The following SH3BGRL2 variants were observed in gnomAD, a reference collection of about 807,000 sequenced individuals.
SH3BGRL2 encodes SH3 domain binding glutamate rich protein like 2, also known as SH3 domain-binding glutamic acid-rich-like protein 2.
Under a neutral mutation model 14.8 loss-of-function variants are expected in SH3BGRL2, and 21 were observed. The observed-to-expected ratio is 1.42, with a 90% CI of 1.01 to 2.05. The LOEUF (loss-of-function observed/expected upper bound fraction) is 2.05. Ranked by LOEUF, SH3BGRL2 falls within the 30% of genes most tolerant of loss-of-function variation. SH3BGRL2 has a pLI of 0.00. For missense variants in SH3BGRL2, 147 were observed against 130.8 expected, an observed-to-expected ratio of 1.12 and a Z score of -0.61; for synonymous variants, 50 against 47.8, an observed-to-expected ratio of 1.05 and a Z score of -0.19.
At chr6:79,580,120 C>T in the SH3BGRL2 span, among the ~76,000 whole-genome samples, 7 of 152,144 alleles carry the variant, frequency 4.6e-5, no homozygotes, top group South Asian at 8.3e-4. Context: ...TATATGCAGC[C>T]GATACAGGAG....
At chr6:79,587,016 C>T in the SH3BGRL2 span, among the ~76,000 whole-genome samples, 12 of 152,118 alleles carry the variant, frequency 7.9e-5, no homozygotes, top group African/African-American at 2.4e-4. Flanking sequence ...CCAAAAAACA[C>T]GTTTTTATCT....
chr6:79,591,597 G>A, the SH3BGRL2 span, among the ~76,000 whole-genome samples: 2 of 152,012 alleles, frequency 1.3e-5, no homozygotes, highest in African/African-American at 4.8e-5. Flanking sequence ...TCGTAGAGAC[G>A]GGGTTTCACT....
At chr6:79,644,635 A>G in intron 1 of SH3BGRL2, among the ~76,000 whole-genome samples, 1 of 152,136 alleles carries the variant, frequency 6.6e-6, no homozygotes, top group African/African-American at 2.4e-5. Flanking sequence ...CCTGGATTTG[A>G]ATTATGGATC....
intron 1 of SH3BGRL2, among the ~76,000 whole-genome samples, chr6:79,648,266 A>ATATATATATATG (rs1421183233): frequency 8.0e-6 from 1 of 124,322 alleles, no homozygotes; most frequent in East Asian, 2.3e-4. Flanking sequence ...ATATATATAT[A>ATATATATATATG]TATATATATA....
chr6:79,635,493 A>G (rs1768905082), intron 1 of SH3BGRL2, among the ~76,000 whole-genome samples: 1 of 152,244 alleles, frequency 6.6e-6, no homozygotes, highest in Non-Finnish European at 1.5e-5. Flanking sequence ...TAGGTGATGT[A>G]AGGTGCTAGG....
the SH3BGRL2 span, among the ~76,000 whole-genome samples, chr6:79,539,664 C>T: frequency 6.6e-6 from 1 of 152,180 alleles, no homozygotes; most frequent in Non-Finnish European, 1.5e-5. Flanking sequence ...AATATTCCTA[C>T]AAATGCTTAC....
At position 79,673,765 on chromosome 6, in the gene SH3BGRL2, C is replaced by T; in HGVS notation, c.197C>T (p.Pro66Leu). ...EKKPTQGNPL[P>L]PQIFNGDRYC... ...AAACCCACTCAGGGCAACCCCCTGC[C>T]ACCTCAGATATTTAATGGCGACCGA... Residue 66 changes from proline to leucine, a missense_variant, in exon 2 of 4, where the codon CCA becomes CTA. By Grantham distance (98) the Pro-to-Leu change is moderately conservative (BLOSUM62 -3). Coordinates refer to ENST00000369838, the MANE Select transcript of SH3BGRL2 (RefSeq NM_031469.4). 6.2e-7 allele frequency: 1 copy of T among 1,614,010 alleles called. No homozygotes were observed. The highest frequency in any genetic ancestry group is 8.5e-7 in the Non-Finnish European group (1 of 1,179,976).
At chr6:79,597,935 G>C in the SH3BGRL2 span, among the ~76,000 whole-genome samples, 2 of 152,180 alleles carry the variant, frequency 1.3e-5, no homozygotes, top group Non-Finnish European at 1.5e-5. Flanking sequence ...CAATTTAAAA[G>C]TGGGCAAAGG....
chr6:79,556,836 T>A, the SH3BGRL2 span, among the ~76,000 whole-genome samples: 1 of 151,946 alleles, frequency 6.6e-6, no homozygotes, highest in Non-Finnish European at 1.5e-5. Flanking sequence ...AATATGTATA[T>A]GACATCTTTT....
At chr6:79,575,958 G>GT in the SH3BGRL2 span, among the ~76,000 whole-genome samples, 1,000 of 151,020 alleles carry the variant, frequency 6.6e-3, 1 homozygote, top group Non-Finnish European at 0.011. Flanking sequence ...ATGTTTATAA[G>GT]TTTTTTTTTC....
In SH3BGRL2 at chr6:79,654,089, G is replaced by T. The variant is rs966153770; in HGVS notation, c.46-19525G>T. The stretch of plus-strand genomic sequence containing the variant: ...GAATTTGTGAACACTTTTATAACTT[G>T]CTGTAGTGTATGAAAAAAGAAATAA... On this transcript the variant is annotated intron_variant, in intron 1 of 3. Coordinates refer to ENST00000369838, the MANE Select transcript of SH3BGRL2 (RefSeq NM_031469.4). Among the ~76,000 whole-genome samples, 41 of 152,170 alleles carry T rather than the reference G, an allele frequency of 2.7e-4. 1 individual carries two copies. The highest frequency in any genetic ancestry group is 9.4e-4 in the African/African-American group (39 of 41,430).
the SH3BGRL2 span, among the ~76,000 whole-genome samples, chr6:79,610,884 T>C: frequency 2.0e-5 from 3 of 152,338 alleles, no homozygotes; most frequent in East Asian, 5.8e-4. Context: ...GATAGAGACC[T>C]GGCCATATAT....
At chr6:79,664,972 A>C (rs1769627285) in intron 1 of SH3BGRL2, among the ~76,000 whole-genome samples, 1 of 152,054 alleles carries the variant, frequency 6.6e-6, no homozygotes, top group Admixed American at 6.6e-5. Flanking sequence ...GAGGCTGAGG[A>C]GGGCAGATCA....
At chr6:79,566,558 T>C in the SH3BGRL2 span, among the ~76,000 whole-genome samples, 156 of 152,300 alleles carry the variant, frequency 1.0e-3, no homozygotes, top group African/African-American at 3.7e-3. Flanking sequence ...GTTTGGAATT[T>C]TATCGTTTGT....
At chr6:79,562,468 T>C in the SH3BGRL2 span, among the ~76,000 whole-genome samples, 1 of 152,194 alleles carries the variant, frequency 6.6e-6, no homozygotes, top group Non-Finnish European at 1.5e-5. Context: ...TGTACTGCTT[T>C]AGCTTCTGAG....
At chr6:79,648,283 T>TATATATATATATA (rs1769187646) in intron 1 of SH3BGRL2, among the ~76,000 whole-genome samples, 4 of 128,410 alleles carry the variant, frequency 3.1e-5, no homozygotes, top group South Asian at 2.4e-4. Flanking sequence ...TATATATATA[T>TATATATATATATA]TTGACATATA....
chr6:79,612,443 A>G, the SH3BGRL2 span, among the ~76,000 whole-genome samples: 1 of 152,074 alleles, frequency 6.6e-6, no homozygotes, highest in East Asian at 1.9e-4. Context: ...TCCCTACCTC[A>G]CCTTTATCTG....
chr6:79,686,888 C>A (rs1265266115), intron 2 of SH3BGRL2, among the ~76,000 whole-genome samples: 1 of 152,114 alleles, frequency 6.6e-6, no homozygotes, highest in African/African-American at 2.4e-5. Flanking sequence ...CGTGAAAGAG[C>A]CACACCCAGG....
the SH3BGRL2 span, among the ~76,000 whole-genome samples, chr6:79,546,901 C>T: frequency 2.6e-5 from 4 of 151,972 alleles, no homozygotes; most frequent in African/African-American, 4.8e-5. Flanking sequence ...AGGCTGGTCT[C>T]GAACTCCTGA....
Sources: allele counts gnomAD v4.1 joint callset (sites outside exome capture counted in the v4.1 genomes callset), GRCh38; gene constraint gnomAD v4.1.1; transcripts MANE v1.5; gene names NCBI Gene and HGNC (gene_info 2026-07-23, HGNC 2026-07-21).